The following MMRN2 variants were observed in gnomAD, a reference collection of about 807,000 sequenced individuals.
MMRN2 encodes multimerin-2.
MMRN2 carries 53 observed loss-of-function variants against 68.8 expected under a neutral mutation model. The ratio of observed to expected loss-of-function variants is 0.77; its 90% confidence interval spans 0.62 to 0.97. The LOEUF (loss-of-function observed/expected upper bound fraction) is 0.97. MMRN2 is among the 50% of genes least tolerant of loss of function. The probability of loss-of-function intolerance (pLI) is 0.00; values close to 1 mark genes in which losing one functional copy is unlikely to be tolerated. For synonymous variants in MMRN2, 564 were observed against 551.6 expected, an observed-to-expected ratio of 1.02 and a Z score of -0.32; for missense variants, 1,266 against 1,259.5, an observed-to-expected ratio of 1.01 and a Z score of -0.08.
In MMRN2 at chr10:86,942,569, C is replaced by G. The variant is rs754340576; in HGVS notation, c.2215G>C (p.Ala739Pro). The G allele has an allele frequency of 6.2e-5, 100 of 1,612,526 alleles. No homozygotes were observed. Among genetic ancestry groups the G allele is most frequent in the Non-Finnish European group, 8.1e-5 (95 of 1,179,902 alleles). ...TGCTGCTCCAAGCTGCGCTGAGTGG[C>G]GAAGAGTGCGTTGTGGAGGCCGTGA... ...SLHGLHNALF[A>P]TQRSLEQHQR... is the part of the protein sequence containing the mutation. The change falls in exon 6 of 7, where the codon GCC (alanine) becomes CCC (proline). Residue 739 changes from alanine to proline, a missense_variant. Transcript: ENST00000372027.
In MMRN2 at chr10:86,943,273, A is replaced by G; in HGVS notation, c.1511T>C (p.Ile504Thr). 1.2e-6 allele frequency: 2 copies of G among 1,613,456 alleles called. No individual in the cohort carries two copies. The highest frequency in any genetic ancestry group is 1.7e-6 in the Non-Finnish European group (2 of 1,179,986). Residue 504 changes from isoleucine (I) to threonine (T), a missense_variant, in exon 6 of 7, where the codon ATC becomes ACC. Coordinates refer to ENST00000372027, the MANE Select transcript of MMRN2 (RefSeq NM_024756.3). The surrounding 1 kb of genome is among the most constrained non-coding windows in gnomAD (Gnocchi z 4.2). ...CGTGGCGTCCCTCTGGCCCTCCCGGATGACGTCCAGGTCTAAATAGAGCTT... is the reference window on the plus strand; with the variant it reads ...CGTGGCGTCCCTCTGGCCCTCCCGGGTGACGTCCAGGTCTAAATAGAGCTT... ...CQKLYLDLDV[I>T]REGQRDATRA...
At chr10:86,956,420 A>G (rs941397423) in intron 1 of MMRN2, among the ~76,000 whole-genome samples, 3 of 152,174 alleles carry the variant, frequency 2.0e-5, no homozygotes, top group Admixed American at 6.5e-5. Context: ...TACACCGCAC[A>G]GAAGTGTAAG....
chr10:86,954,812 G>C (rs916519792), intron 1 of MMRN2, among the ~76,000 whole-genome samples: 2 of 144,616 alleles, frequency 1.4e-5, no homozygotes. Context: ...CATACCAAGG[G>C]CTCTGTGCCC....
intron 1 of MMRN2, 114 bp from the exon 2 acceptor site, chr10:86,945,803 T>G: frequency 6.4e-7 from 1 of 1,553,986 alleles, no homozygotes; most frequent in African/African-American, 1.4e-5. Context: ...GATTCTGGAA[T>G]CCATTATCCT....
Position 86,957,482 on chromosome 10 carries a change from TGCCCCCAGCAGCCCCCAGCCCAGGGG to T in MMRN2, c.34_59del (p.Pro12MetfsTer8). On this transcript the variant is annotated frameshift_variant, in exon 1 of 7. Coordinates refer to ENST00000372027, the MANE Select transcript of MMRN2 (RefSeq NM_024756.3). LOFTEE classifies it high-confidence loss of function. ...GGCTAGTACTGGAAGCCTGGGCCCA[TGCCCCCAGCAGCCCCCAGCCCAGGGG>T]GCCCCCAAGGCTGAACAGCAAGCTC... 1 of 1,613,220 alleles carries T rather than the reference TGCCCCCAGCAGCCCCCAGCCCAGGGG, an allele frequency of 6.2e-7. No homozygotes were observed. The highest frequency in any genetic ancestry group is 1.1e-5 in the South Asian group (1 of 91,070).
At chr10:86,947,373 CTT>C (rs535809280) in intron 1 of MMRN2, among the ~76,000 whole-genome samples, 6 of 145,526 alleles carry the variant, frequency 4.1e-5, no homozygotes, top group Non-Finnish European at 7.6e-5. Context: ...ATTCGAGTGA[CTT>C]TTTTTTTTTT....
At chr10:86,939,538 C>T (rs568501950) in intron 6 of MMRN2, among the ~76,000 whole-genome samples, 127 of 151,878 alleles carry the variant, frequency 8.4e-4, no homozygotes, top group Non-Finnish European at 1.5e-3. Flanking sequence ...TGCAATTCCC[C>T]TAACACCCTG....
chr10:86,947,972 G>A (rs991864783), intron 1 of MMRN2, among the ~76,000 whole-genome samples: 13 of 152,134 alleles, frequency 8.5e-5, no homozygotes, highest in African/African-American at 3.1e-4. Flanking sequence ...AGTGGCGCAC[G>A]CCTGTAACCC....
intron 1 of MMRN2, among the ~76,000 whole-genome samples, chr10:86,952,846 A>G (rs1002355744): frequency 6.6e-6 from 1 of 152,200 alleles, no homozygotes; most frequent in African/African-American, 2.4e-5. Flanking sequence ...GCCTGAGGGT[A>G]CTGCAGGAGA....
At chr10:86,951,612 A>G (rs1211864421) in intron 1 of MMRN2, among the ~76,000 whole-genome samples, 1 of 152,262 alleles carries the variant, frequency 6.6e-6, no homozygotes, top group Non-Finnish European at 1.5e-5. Context: ...AAACTTTGTT[A>G]GCAAAAACAG....
chr10:86,954,612 G>A (rs80052099), intron 1 of MMRN2, among the ~76,000 whole-genome samples: 3 of 152,180 alleles, frequency 2.0e-5, no homozygotes, highest in African/African-American at 7.2e-5. Context: ...CAGCAGCCTT[G>A]TTTTCTGAGG....
chr10:86,952,787 C>T (rs1001014929), intron 1 of MMRN2, among the ~76,000 whole-genome samples: 11 of 152,132 alleles, frequency 7.2e-5, no homozygotes, highest in Non-Finnish European at 1.3e-4. Flanking sequence ...GAGCAGAGAA[C>T]CAGTTTGATC....
chr10:86,943,879 T>G lies in MMRN2; in HGVS notation c.905A>C (p.Gln302Pro). Residue 302 changes from glutamine to proline, a missense_variant, in exon 6 of 7, where the codon CAG (glutamine) becomes CCG (proline). Coordinates refer to ENST00000372027, the MANE Select transcript of MMRN2 (RefSeq NM_024756.3). This position sits in a 1 kb window ranked among gnomAD's most constrained non-coding sequence, Gnocchi z 4.2. ...KFEAKVQENT[Q>P]RVGQLRQDVE... is the part of the protein sequence containing the mutation. Reference sequence around the variant, plus strand: ...GTCCTGTCGCAGCTGACCCACTCTCTGAGTGTTCTCCTGGACCTTGGCCTC... The same window carrying G: ...GTCCTGTCGCAGCTGACCCACTCTCGGAGTGTTCTCCTGGACCTTGGCCTC... 1 of 1,614,014 alleles carries G rather than the reference T, an allele frequency of 6.2e-7. No homozygotes were observed.
intron 4 of MMRN2, 186 bp from the exon 5 acceptor site, chr10:86,944,621 T>C (rs577437850): frequency 6.2e-5 from 37 of 598,718 alleles, no homozygotes; most frequent in South Asian, 5.7e-4. Flanking sequence ...TCACCCTGCC[T>C]CCTACACCTA....
In MMRN2 at chr10:86,935,673, G is replaced by A. The variant is rs1179265703; in HGVS notation, c.*1070C>T. On this transcript the variant is annotated 3_prime_UTR_variant, in exon 7 of 7. Transcript: ENST00000372027. ...TTACGATGGTCCTAAGATACTGGAGGAAGTAAAAAAGTTGAAGGCCCTACA... is the reference window on the plus strand; with the variant it reads ...TTACGATGGTCCTAAGATACTGGAGAAAGTAAAAAAGTTGAAGGCCCTACA... The A allele has an allele frequency of 6.6e-6, 1 of 152,162 alleles. No homozygotes were observed. Among genetic ancestry groups the A allele is most frequent in the African/African-American group, 2.4e-5 (1 of 41,422 alleles). 9.4% of individuals were successfully genotyped at this position (152,162 alleles called of 1,614,324 possible).
chr10:86,957,258 T>C lies in MMRN2; in HGVS notation c.164+120A>G, dbSNP rs925381266. ...TTCAGCCTCACAGATGGCCCAGAGA[T>C]AGATACTATTAGCCCATTTCACAGA... On this transcript the variant is annotated intron_variant, in intron 1 of 6. Coordinates refer to ENST00000372027, the MANE Select transcript of MMRN2 (RefSeq NM_024756.3). The C allele has an allele frequency of 1.7e-5, 18 of 1,030,432 alleles. No individual in the cohort carries two copies. In the African/African-American group the frequency reaches 2.3e-4, roughly 13 times the overall value. The allele number at this position is 1,030,432 out of a possible 1,614,324, so 63.8% of individuals were successfully genotyped here.
chr10:86,945,471 C>A lies in MMRN2; in HGVS notation c.299G>T (p.Arg100Leu), dbSNP rs765862328. 5 of 1,556,618 alleles carry A rather than the reference C, an allele frequency of 3.2e-6. No individual in the cohort carries two copies. In the South Asian group the frequency reaches 5.9e-5, roughly 18 times the overall value. Residue 100 changes from arginine (R) to leucine (L), a missense_variant, in exon 3 of 7, where the codon CGC (arginine) becomes CTC (leucine). Arg to Leu is a moderately radical substitution (Grantham distance 102, BLOSUM62 -2). Coordinates refer to ENST00000372027, the MANE Select transcript of MMRN2 (RefSeq NM_024756.3). ...CTGGTACACTGGCTTGTGGGCCATG[C>A]GGTACCTGGAAGAGGAGAAGGGCTG... ...PDCQKVKVMY[R>L]MAHKPVYQVK...
chr10:86,950,805 A>C (rs1270409424), intron 1 of MMRN2, among the ~76,000 whole-genome samples: 4 of 152,158 alleles, frequency 2.6e-5, no homozygotes, highest in Non-Finnish European at 5.9e-5. Context: ...GTGAGTTCTA[A>C]ATTTTTACTA....
chr10:86,939,223 G>A (rs1350215714), intron 6 of MMRN2, among the ~76,000 whole-genome samples: 2 of 151,456 alleles, frequency 1.3e-5, no homozygotes, highest in Non-Finnish European at 2.9e-5. Context: ...CAGCACTTTG[G>A]AAGGCCGAGG....
Sources: allele counts gnomAD v4.1 joint callset (sites outside exome capture counted in the v4.1 genomes callset), GRCh38; gene constraint gnomAD v4.1.1; non-coding constraint Gnocchi (gnomAD v3.1); transcripts MANE v1.5; gene names NCBI Gene and HGNC (gene_info 2026-07-23, HGNC 2026-07-21).